Variants in LARGE1 observed in about 807,000 individuals in gnomAD.
LARGE1 encodes the protein xylosyl- and glucuronyltransferase LARGE1.
A neutral mutation model predicts 87.6 loss-of-function variants in LARGE1; 43 were observed. That is an observed-to-expected ratio of 0.49 (90% confidence interval 0.38 to 0.63). The LOEUF is 0.63. Ranked by LOEUF, LARGE1 falls within the 30% of genes least tolerant of loss-of-function variation. The pLI is 0.00. For missense variants in LARGE1, 802 were observed against 1,000.2 expected (o/e 0.80, Z 2.67); for synonymous variants, 434 against 394.6 (o/e 1.10, Z -1.18).
chr22:33,212,257 T>C (rs1338204047), intron 11 of LARGE1, among the ~76,000 whole-genome samples: 2 of 152,108 alleles, frequency 1.3e-5, no homozygotes, highest in Non-Finnish European at 2.9e-5. Flanking sequence ...GGGGCTAATG[T>C]AGGTGGTGAC....
At chr22:33,135,349 G>A in the LARGE1 span, among the ~76,000 whole-genome samples, 49,587 of 152,002 alleles carry the variant, frequency 0.33, 8,296 homozygotes, top group South Asian at 0.46. Flanking sequence ...GGTTCAAGAG[G>A]CTATCGGTTT....
intron 6 of LARGE1, among the ~76,000 whole-genome samples, chr22:33,516,520 T>C (rs1259866457): frequency 6.6e-6 from 1 of 152,148 alleles, no homozygotes; most frequent in Non-Finnish European, 1.5e-5. Context: ...CAGCTGGTCC[T>C]GCATCCCATC....
intron 2 of LARGE1, among the ~76,000 whole-genome samples, chr22:33,755,527 A>G (rs1030333885): frequency 6.6e-6 from 1 of 152,208 alleles, no homozygotes; most frequent in Admixed American, 6.5e-5. Flanking sequence ...AAGAAGAACC[A>G]CATCCCACAA....
At chr22:33,413,990 T>A (rs2066400718) in intron 7 of LARGE1, among the ~76,000 whole-genome samples, 1 of 152,188 alleles carries the variant, frequency 6.6e-6, no homozygotes, top group Admixed American at 6.5e-5. Context: ...TGAATAATGT[T>A]GGAATAAACA....
chr22:33,529,721 T>C (rs930225304), intron 6 of LARGE1, among the ~76,000 whole-genome samples: 4 of 152,208 alleles, frequency 2.6e-5, no homozygotes, highest in Non-Finnish European at 5.9e-5. Flanking sequence ...TGTTCTAAGA[T>C]GCAGGATGGT....
downstream of LARGE1, among the ~76,000 whole-genome samples, chr22:33,270,632 A>AG (rs1434825926): frequency 6.6e-6 from 1 of 152,200 alleles, no homozygotes; most frequent in African/African-American, 2.4e-5. Context: ...GGTTCAATAA[A>AG]GGGTAGTTCT....
rs557248293 is a variant in LARGE1, at chr22:33,501,776, T to C, written c.787+63072A>G. On this transcript the variant is annotated intron_variant, in intron 6 of 14. Transcript: ENST00000397394. Reference sequence around the variant, plus strand: ...CCTTCGAGCCCAAAGCAAGTGATTTTCAACGGCTTATAGTCTAGTGGGTGA... The same window carrying C: ...CCTTCGAGCCCAAAGCAAGTGATTTCCAACGGCTTATAGTCTAGTGGGTGA... 2.6e-5 allele frequency among the ~76,000 whole-genome samples: 4 copies of C among 152,308 alleles called. No homozygotes were observed. In the South Asian group the frequency reaches 8.3e-4, roughly 32 times the overall value.
chr22:33,748,393 C>T (rs2084182332), intron 2 of LARGE1, among the ~76,000 whole-genome samples: 1 of 152,146 alleles, frequency 6.6e-6, no homozygotes, highest in African/African-American at 2.4e-5. Flanking sequence ...ACTTCCACCT[C>T]CCATCCCGTA....
In LARGE1 at chr22:33,198,636, G is replaced by GACAC. The variant is rs71187250; in HGVS notation, c.1731-31808_1731-31805dup. Among the ~76,000 whole-genome samples, 1,127 of 137,740 alleles carry GACAC rather than the reference G, an allele frequency of 8.2e-3. 11 individuals carry two copies. The highest frequency in any genetic ancestry group is 0.019 in the Middle Eastern group (5 of 268). 90.4% of individuals were successfully genotyped at this position (137,740 alleles called of 152,430 possible). A position where few individuals can be genotyped will look rare whatever the true frequency, so the allele number is the denominator to read the frequency against. ...CTTTTATAGTATATATATACACCGTGACACACACACACACACACACACACA... is the reference window on the plus strand; with the variant it reads ...CTTTTATAGTATATATATACACCGTGACACACACACACACACACACACACACACA... On this transcript the variant is annotated intron_variant, in intron 11 of 11. Transcript: ENST00000608642.
chr22:33,680,983 C>A (rs560285712), intron 2 of LARGE1, among the ~76,000 whole-genome samples: 1 of 152,270 alleles, frequency 6.6e-6, no homozygotes, highest in Admixed American at 6.5e-5. Flanking sequence ...CTGGAGGAGG[C>A]TGCAAAGACA....
the LARGE1 span, among the ~76,000 whole-genome samples, chr22:33,125,653 G>A: frequency 1.3e-5 from 2 of 152,114 alleles, no homozygotes; most frequent in African/African-American, 4.8e-5. Context: ...CACCATGTTG[G>A]CCAAGATGAT....
chr22:33,749,866 G>C (rs1275472737), intron 2 of LARGE1, among the ~76,000 whole-genome samples: 4 of 152,078 alleles, frequency 2.6e-5, no homozygotes, highest in African/African-American at 9.7e-5. Flanking sequence ...TCATCTACCA[G>C]TTGTTTCTAT....
At chr22:33,916,502 C>T (rs180841308) in intron 1 of LARGE1, among the ~76,000 whole-genome samples, 645 of 152,270 alleles carry the variant, frequency 4.2e-3, no homozygotes, top group Non-Finnish European at 6.7e-3. Context: ...ACTCTCCATA[C>T]GCCAATGTGA....
rs551005439 is a variant in LARGE1, at chr22:33,328,413, C to T, written c.1287+9233G>A. 9.9e-5 allele frequency among the ~76,000 whole-genome samples: 15 copies of T among 152,082 alleles called. No individual in the cohort carries two copies. The East Asian group carries it at 2.5e-3, about 26-fold the overall frequency. ...TGACCAAGATGGTGAAACCCCAGCT[C>T]TATTAAAAATACAAAAATTAGCCTG... On this transcript the variant is annotated intron_variant, in intron 10 of 14. Transcript: ENST00000397394.
At chr22:33,610,077 C>G (rs575018190) in intron 4 of LARGE1, among the ~76,000 whole-genome samples, 10 of 152,184 alleles carry the variant, frequency 6.6e-5, no homozygotes, top group Admixed American at 2.6e-4. Context: ...GCCAATTAAA[C>G]CATTTTTCTT....
intron 6 of LARGE1, among the ~76,000 whole-genome samples, chr22:33,492,788 C>A (rs1407708964): frequency 6.6e-6 from 1 of 152,146 alleles, no homozygotes; most frequent in Non-Finnish European, 1.5e-5. Context: ...CAAAACAAAA[C>A]AAAACATGTT....
chr22:33,847,222 C>T (rs777858062), intron 1 of LARGE1, among the ~76,000 whole-genome samples: 109 of 152,110 alleles, frequency 7.2e-4, no homozygotes, highest in Non-Finnish European at 1.2e-3. Flanking sequence ...GCAGGTTCCC[C>T]GATAAAGTTC....
chr22:33,275,867 G>A (rs1252657136), intron 14 of LARGE1, among the ~76,000 whole-genome samples: 1 of 152,202 alleles, frequency 6.6e-6, no homozygotes, highest in African/African-American at 2.4e-5. Context: ...TTCCTTTTAA[G>A]CAGAAGCTGA....
chr22:33,694,705 G>A (rs1603179638), intron 2 of LARGE1, among the ~76,000 whole-genome samples: 2 of 152,132 alleles, frequency 1.3e-5, no homozygotes, highest in African/African-American at 4.8e-5. Context: ...GAGAGAGAAG[G>A]TGTGGAGAGA....
Sources: gnomAD v4.1 joint callset for allele counts (sites outside exome capture counted in the v4.1 genomes callset) on GRCh38, gnomAD v4.1.1 for gene constraint, MANE v1.5 for transcripts, NCBI Gene and HGNC (gene_info 2026-07-23, HGNC 2026-07-21) for gene names.